Variants in PXDNL observed in about 807,000 individuals in gnomAD.
PXDNL encodes the protein peroxidasin like, also known as probable oxidoreductase PXDNL.
A neutral mutation model predicts 150.8 loss-of-function variants in PXDNL; 145 were observed. The ratio of observed to expected loss-of-function variants is 0.96; its 90% CI spans 0.84 to 1.10. The LOEUF is 1.10. Ranked by LOEUF, PXDNL falls within the 50% of genes least tolerant of loss-of-function variation. The pLI is 0.00. For missense variants in PXDNL, 2,087 were observed against 1,873.9 expected, an observed-to-expected ratio of 1.11 and a Z score of -2.10; for synonymous variants, 757 against 725.7, an observed-to-expected ratio of 1.04 and a Z score of -0.69.
chr8:51,663,459 A>G (rs531153640), intron 1 of PXDNL, among the ~76,000 whole-genome samples: 11 of 152,340 alleles, frequency 7.2e-5, no homozygotes, highest in African/African-American at 2.6e-4. Context: ...GTTACAGCTT[A>G]CAAACACCCT....
At chr8:51,723,791 G>C (rs996161250) in intron 1 of PXDNL, among the ~76,000 whole-genome samples, 1 of 152,162 alleles carries the variant, frequency 6.6e-6, no homozygotes, top group Non-Finnish European at 1.5e-5. Context: ...TAGGCAGGGA[G>C]GGGGCGCGGT....
At chr8:51,633,976 T>C (rs957798390) in intron 2 of PXDNL, among the ~76,000 whole-genome samples, 1 of 152,232 alleles carries the variant, frequency 6.6e-6, no homozygotes, top group African/African-American at 2.4e-5. Flanking sequence ...AGGAGCTCTA[T>C]AGTTTAATCA....
chr8:51,639,297 A>G (rs1433209218), intron 2 of PXDNL, among the ~76,000 whole-genome samples: 1 of 152,164 alleles, frequency 6.6e-6, no homozygotes, highest in African/African-American at 2.4e-5. Flanking sequence ...AAGAACTAGA[A>G]AAGCACGAGC....
intron 20 of PXDNL, among the ~76,000 whole-genome samples, chr8:51,344,953 C>G (rs16916032): frequency 6.6e-6 from 1 of 152,082 alleles, no homozygotes; most frequent in African/African-American, 2.4e-5. Flanking sequence ...ACACTATCTC[C>G]TCTCCTCAAT....
At chr8:51,798,026 A>G (rs2129261470) in intron 1 of PXDNL, among the ~76,000 whole-genome samples, 1 of 152,318 alleles carries the variant, frequency 6.6e-6, no homozygotes, top group South Asian at 2.1e-4. Flanking sequence ...AAGACCACAC[A>G]TCTACAATCA....
intron 1 of PXDNL, among the ~76,000 whole-genome samples, chr8:51,762,214 T>G (rs1027525344): frequency 2.6e-5 from 4 of 152,310 alleles, no homozygotes; most frequent in Admixed American, 2.6e-4. Context: ...TATTGTGACT[T>G]ACTTTTCAAT....
intron 3 of PXDNL, among the ~76,000 whole-genome samples, chr8:51,563,406 G>A (rs1812755662): frequency 6.6e-6 from 1 of 151,778 alleles, no homozygotes; most frequent in Admixed American, 6.6e-5. Flanking sequence ...CCCATACAGG[G>A]GCTCCACACT....
At position 51,529,035 on chromosome 8, in the gene PXDNL, T is replaced by C. The variant is rs761600472; in HGVS notation, c.380+27805A>G. ...GATTTGTTATGGGAACGAATATAGT[T>C]ACAAATCTGTATATTGTTATACAGT... On this transcript the variant is annotated intron_variant, in intron 4 of 22. Coordinates refer to ENST00000356297, the MANE Select transcript of PXDNL (RefSeq NM_144651.5). 5.1e-4 allele frequency among the ~76,000 whole-genome samples: 78 copies of C among 152,338 alleles called. 1 individual carries two copies. The highest frequency in any genetic ancestry group is 8.7e-4 in the Non-Finnish European group (59 of 68,030).
intron 3 of PXDNL, among the ~76,000 whole-genome samples, chr8:51,591,033 A>G (rs1489306815): frequency 6.6e-6 from 1 of 152,194 alleles, no homozygotes; most frequent in Non-Finnish European, 1.5e-5. Context: ...TTAAGAAGTG[A>G]TTAGGTCATC....
chr8:51,657,824 G>T (rs1815182992), intron 1 of PXDNL, among the ~76,000 whole-genome samples: 1 of 152,156 alleles, frequency 6.6e-6, no homozygotes, highest in Admixed American at 6.5e-5. Flanking sequence ...GAAAGCCAAG[G>T]TGCTATATGT....
chr8:51,471,691 G>T (rs544299467), intron 8 of PXDNL, among the ~76,000 whole-genome samples: 41 of 147,182 alleles, frequency 2.8e-4, no homozygotes, highest in African/African-American at 8.5e-4. Context: ...TTTTTTTTTT[G>T]GTTTTTTTTT....
intron 3 of PXDNL, among the ~76,000 whole-genome samples, chr8:51,587,625 T>C (rs1291289772): frequency 1.3e-5 from 2 of 152,192 alleles, no homozygotes; most frequent in Non-Finnish European, 2.9e-5. Context: ...AACTACCTTA[T>C]GTAATATAAA....
chr8:51,337,872 C>CAAA (rs34248614), intron 21 of PXDNL, among the ~76,000 whole-genome samples: 53 of 128,286 alleles, frequency 4.1e-4, no homozygotes, highest in African/African-American at 4.4e-4. Context: ...GACTCCATCT[C>CAAA]AAAAAAAAAA....
intron 17 of PXDNL, among the ~76,000 whole-genome samples, chr8:51,405,014 G>A (rs1041952439): frequency 7.9e-5 from 12 of 152,178 alleles, no homozygotes; most frequent in African/African-American, 2.2e-4. Context: ...GCTCAGCACC[G>A]GGACCCAGCG....
At chr8:51,398,453 A>G (rs1055314945) in intron 17 of PXDNL, among the ~76,000 whole-genome samples, 5 of 152,240 alleles carry the variant, frequency 3.3e-5, no homozygotes. Flanking sequence ...AAGTTGAATC[A>G]GAACACGGTG....
intron 13 of PXDNL, 91 bp from the exon 14 acceptor site, chr8:51,423,822 C>T: frequency 8.2e-7 from 1 of 1,215,638 alleles, no homozygotes; most frequent in South Asian, 1.5e-5. Flanking sequence ...ATTTATTCAA[C>T]AGATATCTAT....
chr8:51,335,291 C>G (rs1805801632), intron 21 of PXDNL, among the ~76,000 whole-genome samples: 1 of 152,126 alleles, frequency 6.6e-6, no homozygotes, highest in South Asian at 2.1e-4. Flanking sequence ...ACCATCTTTC[C>G]TGGATCTCTT....
chr8:51,423,209 T>C (rs1047223965), intron 14 of PXDNL, among the ~76,000 whole-genome samples: 2 of 152,212 alleles, frequency 1.3e-5, no homozygotes, highest in Non-Finnish European at 2.9e-5. Context: ...TTAAATATAC[T>C]AGGCTAGAGT....
chr8:51,377,443 G>A (rs928053070), intron 17 of PXDNL, among the ~76,000 whole-genome samples: 9 of 152,146 alleles, frequency 5.9e-5, no homozygotes, highest in Admixed American at 2.6e-4. Context: ...TCAGCCCGCC[G>A]CCGCACTGTG....
Sources: allele counts gnomAD v4.1 joint callset (sites outside exome capture counted in the v4.1 genomes callset), GRCh38; gene constraint gnomAD v4.1.1; transcripts MANE v1.5; gene names NCBI Gene and HGNC (gene_info 2026-07-23, HGNC 2026-07-21).